The following BCL2L11 variants were observed in gnomAD, a reference collection of about 807,000 sequenced individuals.
BCL2L11 encodes BCL2 like 11.
Under a neutral mutation model 20.6 loss-of-function variants are expected in BCL2L11, and 15 were observed. That is an observed-to-expected ratio of 0.73 (90% CI 0.49 to 1.12). BCL2L11 has a LOEUF of 1.12. Ranked by LOEUF, BCL2L11 falls within the 50% of genes most tolerant of loss-of-function variation. The pLI is 0.00. For missense variants in BCL2L11, 292 were observed against 260.9 expected (o/e 1.12, Z -0.82); for synonymous variants, 108 against 92.8 (o/e 1.16, Z -0.94).
chr2:111,123,598 GAT>G, intron 1 of BCL2L11, 133 bp from the exon 2 acceptor site: 1 of 1,217,838 alleles, frequency 8.2e-7, no homozygotes, highest in Non-Finnish European at 1.0e-6. Context: ...TTATTTGGGA[GAT>G]TGTCAGAAAA....
In BCL2L11 at chr2:111,144,637, C is replaced by T. The variant is rs536251895; in HGVS notation, c.395-5407C>T. The T allele has an allele frequency of 4.8e-5, 62 of 1,293,514 alleles. No homozygotes were observed. In the South Asian group the frequency reaches 8.6e-4, roughly 18 times the overall value. The allele number at this position is 1,293,514 out of a possible 1,614,324, so 80.1% of individuals were successfully genotyped here. On this transcript the variant is annotated intron_variant, in intron 2 of 3. Coordinates refer to ENST00000393256, the MANE Select transcript of BCL2L11 (RefSeq NM_138621.5). ...GAAGATATTTAAAGAAGGAGACTTACAGAGTTGAATAAACATCCTGGAATT... is the reference window on the plus strand; with the variant it reads ...GAAGATATTTAAAGAAGGAGACTTATAGAGTTGAATAAACATCCTGGAATT...
At chr2:111,122,425 ACCACGG>A (rs1180411055) in intron 1 of BCL2L11, among the ~76,000 whole-genome samples, 3 of 152,198 alleles carry the variant, frequency 2.0e-5, no homozygotes, top group African/African-American at 7.2e-5. Context: ...AGCCGCCACG[ACCACGG>A]CCAGAGCAGC....
At chr2:111,161,641 C>T (rs778727001) in intron 3 of BCL2L11, 10 of 1,373,550 alleles carry the variant, frequency 7.3e-6, no homozygotes, top group Non-Finnish European at 9.6e-6. Flanking sequence ...TCATACTTGC[C>T]TTTAACTGGC....
At chr2:111,134,070 A>G (rs980649242) in intron 2 of BCL2L11, among the ~76,000 whole-genome samples, 1 of 151,212 alleles carries the variant, frequency 6.6e-6, no homozygotes, top group Non-Finnish European at 1.5e-5. Context: ...TGTATTTGAG[A>G]TAAGTTTTTT....
intron 2 of BCL2L11, among the ~76,000 whole-genome samples, chr2:111,127,237 G>A (rs2072836381): frequency 6.6e-6 from 1 of 152,058 alleles, no homozygotes; most frequent in Non-Finnish European, 1.5e-5. Flanking sequence ...TATGCCATAT[G>A]TGTTTTTAAT....
intron 3 of BCL2L11, among the ~76,000 whole-genome samples, chr2:111,155,294 A>G (rs2077689113): frequency 6.6e-6 from 1 of 152,174 alleles, no homozygotes; most frequent in Non-Finnish European, 1.5e-5. Flanking sequence ...GTGTCAGCCC[A>G]AGACAGCCAG....
chr2:111,168,393 T>G lies in BCL2L11; in HGVS notation c.*4162T>G, dbSNP rs1213376996. On this transcript the variant is annotated 3_prime_UTR_variant, in exon 4 of 4. Transcript: ENST00000393256. ...CAATACTGCTGTAAATAACTGCAGA[T>G]TTTTAAACAATCTTTTATGTTAATT... The G allele has an allele frequency of 6.5e-6, 1 of 152,678 alleles. No homozygotes were observed. Among genetic ancestry groups the G allele is most frequent in the Non-Finnish European group, 1.5e-5 (1 of 68,052 alleles). 9.5% of individuals were successfully genotyped at this position (152,678 alleles called of 1,614,324 possible).
chr2:111,142,510 CTG>C (rs2075982006), intron 2 of BCL2L11: 1 of 781,952 alleles, frequency 1.3e-6, no homozygotes, highest in Non-Finnish European at 2.1e-6. Flanking sequence ...ATAATCATAT[CTG>C]TGTTAAATTG....
intron 1 of BCL2L11, chr2:111,123,192 C>T (rs1433833081): frequency 5.1e-6 from 5 of 985,348 alleles, no homozygotes; most frequent in Non-Finnish European, 6.0e-6. Flanking sequence ...CCGAGCCGCG[C>T]TGGAGTTACA....
rs2079014655 is a variant in BCL2L11, at chr2:111,166,262, C to T, written c.*2031C>T. The T allele has an allele frequency of 1.3e-5, 2 of 152,768 alleles. No homozygotes were observed. Among genetic ancestry groups the T allele is most frequent in the African/African-American group, 4.8e-5 (2 of 41,464 alleles). 9.5% of individuals were successfully genotyped at this position (152,768 alleles called of 1,614,324 possible). On this transcript the variant is annotated 3_prime_UTR_variant, in exon 4 of 4. Transcript: ENST00000393256. Reference sequence around the variant, plus strand: ...ACTCTGTTTCCTCAGCCCTGCAGCCCCTGGGAGCACACACTGGGTGCAGCC... The same window carrying T: ...ACTCTGTTTCCTCAGCCCTGCAGCCTCTGGGAGCACACACTGGGTGCAGCC...
rs931592909 is a variant in BCL2L11 at position 111,139,423 on chromosome 2, G to A, written c.395-10621G>A. Among the ~76,000 whole-genome samples the A allele has an allele frequency of 2.6e-5, 4 of 152,150 alleles. No homozygotes were observed. In the East Asian group the frequency reaches 5.8e-4, roughly 22 times the overall value. On this transcript the variant is annotated intron_variant, in intron 2 of 3. Transcript: ENST00000393256. ...ACTTTTTCTTGCAATCCAAACTTAC[G>A]TACTTTTTCCCAAAATAAGGGATAC... is the stretch of plus-strand genomic sequence containing the variant.
At chr2:111,154,785 C>G (rs1276093818) in intron 3 of BCL2L11, among the ~76,000 whole-genome samples, 1 of 152,190 alleles carries the variant, frequency 6.6e-6, no homozygotes, top group Non-Finnish European at 1.5e-5. Context: ...TTTCCTTTCT[C>G]TCTTATATAG....
rs531825289 is a variant in BCL2L11 at position 111,167,999 on chromosome 2, C to T, written c.*3768C>T. ...TTAGCCTGGTGCCTGTGTGTGTCCA[C>T]TCACGTACACGTGGGGTGGGGGAAA... On this transcript the variant is annotated 3_prime_UTR_variant, in exon 4 of 4. Transcript: ENST00000393256. 11 of 152,726 alleles carry T rather than the reference C, an allele frequency of 7.2e-5. No homozygotes were observed. Among genetic ancestry groups the T allele is most frequent in the Non-Finnish European group, 1.5e-4 (10 of 68,084 alleles). The allele number at this position is 152,726 out of a possible 1,614,324, so 9.5% of individuals were successfully genotyped here. A position where few individuals can be genotyped will look rare whatever the true frequency, so the allele number is the denominator to read the frequency against.
At chr2:111,145,677 G>T (rs886902568) in intron 2 of BCL2L11, among the ~76,000 whole-genome samples, 21 of 152,058 alleles carry the variant, frequency 1.4e-4, no homozygotes, top group African/African-American at 4.8e-4. Flanking sequence ...AGAATAGTTT[G>T]TTAAGAAACA....
At chr2:111,163,551 C>A (rs1191280536) in intron 3 of BCL2L11, 1 of 152,652 alleles carries the variant, frequency 6.6e-6, no homozygotes, top group Non-Finnish European at 1.5e-5. Flanking sequence ...TTCTGGATTG[C>A]TCTTTCCTTC....
At chr2:111,127,342 G>A (rs2150255268) in intron 2 of BCL2L11, among the ~76,000 whole-genome samples, 1 of 151,666 alleles carries the variant, frequency 6.6e-6, no homozygotes, top group Non-Finnish European at 1.5e-5. Context: ...GCTCCCTAGT[G>A]TCATGTTAGT....
intron 2 of BCL2L11, among the ~76,000 whole-genome samples, chr2:111,134,116 T>G (rs1260672416): frequency 6.6e-6 from 1 of 152,026 alleles, no homozygotes; most frequent in Non-Finnish European, 1.5e-5. Flanking sequence ...CTGTTTTATC[T>G]AGTCTGCCCA....
chr2:111,123,801 TGCAGCCTGCGGAGAGGCCTCC>T lies in BCL2L11; in HGVS notation c.57_77del (p.Leu19_Pro26delinsPhe). 1 of 1,479,188 alleles carries T rather than the reference TGCAGCCTGCGGAGAGGCCTCC, an allele frequency of 6.8e-7. No individual in the cohort carries two copies. The highest frequency in any genetic ancestry group is 9.0e-7 in the Non-Finnish European group (1 of 1,112,780). 91.6% of individuals were successfully genotyped at this position (1,479,188 alleles called of 1,614,324 possible). A position where few individuals can be genotyped will look rare whatever the true frequency, so the allele number is the denominator to read the frequency against. ...GAGTGTGACCGAGAAGGTAGACAAT[TGCAGCCTGCGGAGAGGCCTCC>T]CCAGCTCAGACCTGGGGCCCCTACC... On this transcript the variant is annotated inframe_deletion, in exon 2 of 4. Coordinates refer to ENST00000393256, the MANE Select transcript of BCL2L11 (RefSeq NM_138621.5).
chr2:111,128,783 C>T, intron 2 of BCL2L11: 12 of 1,533,310 alleles, frequency 7.8e-6, no homozygotes, highest in Non-Finnish European at 1.1e-5. Context: ...ACCTCTCTCC[C>T]TCTTCCTTGA....
Sources: gnomAD v4.1 joint callset for allele counts (sites outside exome capture counted in the v4.1 genomes callset) on GRCh38, gnomAD v4.1.1 for gene constraint, MANE v1.5 for transcripts, NCBI Gene and HGNC (gene_info 2026-07-23, HGNC 2026-07-21) for gene names.